Variants in KRABD5 observed in about 807,000 individuals in gnomAD.
KRABD5 encodes the protein KRAB domain-containing protein 5.
At chr16:31,759,705 T>G in the KRABD5 span, 2 of 218,554 alleles carry the variant, frequency 9.2e-6, no homozygotes, top group East Asian at 2.0e-4. Flanking sequence ...CAATATTCGT[T>G]TACAATGTTA....
the KRABD5 span, among the ~76,000 whole-genome samples, chr16:31,726,806 A>G: frequency 4.6e-5 from 7 of 152,256 alleles, no homozygotes; most frequent in South Asian, 2.1e-4. Flanking sequence ...ATTTATTTCT[A>G]TTTCTCTGAA....
chr16:31,726,350 A>G, the KRABD5 span, among the ~76,000 whole-genome samples: 1 of 152,208 alleles, frequency 6.6e-6, no homozygotes, highest in Non-Finnish European at 1.5e-5. Flanking sequence ...TTAGGTCAAT[A>G]TAATACTCAC....
the KRABD5 span, chr16:31,754,955 A>G: frequency 2.2e-6 from 1 of 448,014 alleles, no homozygotes; most frequent in Non-Finnish European, 4.5e-6. Flanking sequence ...CACTGGAGAA[A>G]AACTTTACAA....
the KRABD5 span, chr16:31,722,504 A>C: frequency 2.8e-6 from 3 of 1,065,918 alleles, no homozygotes; most frequent in African/African-American, 3.3e-5. Context: ...ATCTTATTGA[A>C]TATTTCAGGT....
At chr16:31,747,680 T>C in the KRABD5 span, among the ~76,000 whole-genome samples, 1 of 152,186 alleles carries the variant, frequency 6.6e-6, no homozygotes, top group Admixed American at 6.5e-5. Context: ...ATGATCGCCA[T>C]TGTAACTGGT....
chr16:31,750,453 G>A, the KRABD5 span, among the ~76,000 whole-genome samples: 1 of 152,082 alleles, frequency 6.6e-6, no homozygotes, highest in Non-Finnish European at 1.5e-5. Context: ...AGTCTTTCCA[G>A]GTGTAGAATC....
At chr16:31,753,773 T>A in the KRABD5 span, 1 of 1,489,324 alleles carries the variant, frequency 6.7e-7, no homozygotes, top group Non-Finnish European at 8.9e-7. Context: ...CAGATATCTT[T>A]TCTCATGATA....
At chr16:31,749,232 C>G in the KRABD5 span, among the ~76,000 whole-genome samples, 1 of 152,362 alleles carries the variant, frequency 6.6e-6, no homozygotes, top group South Asian at 2.1e-4. Context: ...AAGAGGCACT[C>G]TGGCTGCAGT....
chr16:31,738,369 T>C, the KRABD5 span, among the ~76,000 whole-genome samples: 2 of 152,124 alleles, frequency 1.3e-5, no homozygotes, highest in African/African-American at 4.8e-5. Flanking sequence ...GCTGCATATA[T>C]TTGAGAGGTG....
At chr16:31,714,320 A>G in the KRABD5 span, 3 of 455,726 alleles carry the variant, frequency 6.6e-6, no homozygotes, top group African/African-American at 4.0e-5. Flanking sequence ...CTTCCTTTCT[A>G]TAAAAACTGT....
At chr16:31,753,736 G>T in the KRABD5 span, 1 of 1,445,844 alleles carries the variant, frequency 6.9e-7, no homozygotes, top group African/African-American at 1.4e-5. Context: ...TTTAGTAATT[G>T]GAATTTTGAA....
chr16:31,720,943 G>A, the KRABD5 span, among the ~76,000 whole-genome samples: 705 of 152,264 alleles, frequency 4.6e-3, 7 homozygotes, highest in African/African-American at 0.016. Context: ...CCTCACTTCT[G>A]TAGGTTTCCA....
the KRABD5 span, among the ~76,000 whole-genome samples, chr16:31,749,341 T>C: frequency 6.6e-6 from 1 of 152,280 alleles, no homozygotes; most frequent in African/African-American, 2.4e-5. Context: ...CCTGGAGCTA[T>C]AGAGGTGGAT....
the KRABD5 span, among the ~76,000 whole-genome samples, chr16:31,739,244 G>A: frequency 2.0e-5 from 3 of 152,026 alleles, no homozygotes; most frequent in African/African-American, 7.2e-5. Flanking sequence ...AGATCTAGTG[G>A]ATATGAATTC....
chr16:31,754,243 A>C, the KRABD5 span: 2 of 647,572 alleles, frequency 3.1e-6, no homozygotes, highest in Non-Finnish European at 2.7e-6. Flanking sequence ...AAATATGATC[A>C]ATTTGATGGA....
the KRABD5 span, chr16:31,756,111 A>T: frequency 6.5e-6 from 1 of 152,850 alleles, no homozygotes; most frequent in Non-Finnish European, 1.5e-5. Flanking sequence ...TAGTGTTTAT[A>T]TAAAAACATA....
chr16:31,733,449 A>G, the KRABD5 span: 1 of 452,628 alleles, frequency 2.2e-6, no homozygotes, highest in Non-Finnish European at 4.4e-6. Context: ...TGTACAGTTT[A>G]TTAGTGTTAA....
At chr16:31,730,621 C>T in the KRABD5 span, among the ~76,000 whole-genome samples, 1 of 152,036 alleles carries the variant, frequency 6.6e-6, no homozygotes, top group South Asian at 2.1e-4. Flanking sequence ...AGTTTTAAGA[C>T]ATTATATCTT....
the KRABD5 span, among the ~76,000 whole-genome samples, chr16:31,735,296 C>T: frequency 2.6e-4 from 39 of 152,156 alleles, no homozygotes; most frequent in African/African-American, 9.1e-4. Flanking sequence ...ACCACATTTT[C>T]TTTATCCATT....
Sources: allele counts gnomAD v4.1 joint callset (sites outside exome capture counted in the v4.1 genomes callset), GRCh38; gene constraint gnomAD v4.1.1; transcripts MANE v1.5; gene names NCBI Gene and HGNC (gene_info 2026-07-23, HGNC 2026-07-21).